Variants in BTBD9 observed in about 807,000 individuals in gnomAD.
The protein encoded by BTBD9 is BTB domain containing 9.
A neutral mutation model predicts 64.3 loss-of-function variants in BTBD9; 49 were observed. The observed-to-expected ratio is 0.76, with a 90% confidence interval of 0.61 to 0.97. The LOEUF (loss-of-function observed/expected upper bound fraction) is 0.97, where lower values mean the gene tolerates loss of function less well. Among genes scored for constraint, BTBD9 ranks in the 50% least tolerant of loss-of-function variants. BTBD9 has a pLI of 0.00. For missense variants in BTBD9, 598 were observed against 762.1 expected, an observed-to-expected ratio of 0.78 and a Z score of 2.53; for synonymous variants, 260 against 274.7, an observed-to-expected ratio of 0.95 and a Z score of 0.53.
intron 8 of BTBD9, among the ~76,000 whole-genome samples, chr6:38,264,074 G>A (rs1202703754): frequency 6.6e-6 from 1 of 152,176 alleles, no homozygotes; most frequent in Non-Finnish European, 1.5e-5. Flanking sequence ...ATGTAGAAAC[G>A]GAGAGCGGTA....
At position 38,288,262 on chromosome 6, in the gene BTBD9, ATC is replaced by A. The variant is rs1274515524; in HGVS notation, c.1454+8_1454+9del. 6.2e-7 allele frequency: 1 copy of A among 1,604,630 alleles called. No homozygotes were observed. Among genetic ancestry groups the A allele is most frequent in the South Asian group, 1.1e-5 (1 of 90,660 alleles). On this transcript the variant is annotated splice_region_variant and intron_variant, in intron 8 of 10. Coordinates refer to ENST00000481247, the MANE Select transcript of BTBD9 (RefSeq NM_001099272.2). The stretch of plus-strand genomic sequence containing the variant: ...TTTTAAAACTTATGAATGAGGAGGA[ATC>A]TTCTTACCGTATTGACCCAATCATG...
At chr6:38,480,081 T>C (rs890109873) in intron 6 of BTBD9, among the ~76,000 whole-genome samples, 2 of 151,944 alleles carry the variant, frequency 1.3e-5, no homozygotes, top group Non-Finnish European at 2.9e-5. Flanking sequence ...CTAAGAGAAA[T>C]AGAAGGGAAA....
intron 8 of BTBD9, among the ~76,000 whole-genome samples, chr6:38,268,832 G>T (rs748794941): frequency 3.9e-5 from 6 of 152,146 alleles, no homozygotes; most frequent in Non-Finnish European, 5.9e-5. Context: ...GCTGCGACTC[G>T]TTCCTCCTTC....
At chr6:38,589,185 ATG>A (rs1776683299) in intron 4 of BTBD9, among the ~76,000 whole-genome samples, 2 of 152,152 alleles carry the variant, frequency 1.3e-5, no homozygotes, top group South Asian at 4.2e-4. Flanking sequence ...CAATCTGTGT[ATG>A]TGTCATTCCA....
chr6:38,399,923 TTTTTTTTTTTGTA>T (rs1766855064), intron 6 of BTBD9, among the ~76,000 whole-genome samples: 1 of 151,902 alleles, frequency 6.6e-6, no homozygotes, highest in South Asian at 2.1e-4. Context: ...AGCTAATTTT[TTTTTTTTTTTGTA>T]TTTTTAGTAG....
chr6:38,624,496 C>G (rs1053019817), intron 1 of BTBD9, among the ~76,000 whole-genome samples: 1 of 152,162 alleles, frequency 6.6e-6, no homozygotes, highest in Admixed American at 6.5e-5. Context: ...AGGAGGATTG[C>G]TTGAGCCCAA....
chr6:38,401,043 T>A (rs1206351131), intron 6 of BTBD9, among the ~76,000 whole-genome samples: 1 of 152,196 alleles, frequency 6.6e-6, no homozygotes, highest in Non-Finnish European at 1.5e-5. Flanking sequence ...CCCTGTTCTT[T>A]CCTTCCATAA....
intron 6 of BTBD9, among the ~76,000 whole-genome samples, chr6:38,550,481 T>A (rs538249458): frequency 6.6e-6 from 1 of 152,136 alleles, no homozygotes; most frequent in South Asian, 2.1e-4. Context: ...CACACCCGGC[T>A]AATTTTTTGT....
chr6:38,297,034 G>A (rs574507924), intron 7 of BTBD9, among the ~76,000 whole-genome samples: 16 of 152,132 alleles, frequency 1.1e-4, no homozygotes, highest in South Asian at 2.1e-4. Flanking sequence ...TGTATTATTC[G>A]AATATTTATA....
At chr6:38,226,419 T>C (rs755259053) in intron 9 of BTBD9, among the ~76,000 whole-genome samples, 39 of 152,182 alleles carry the variant, frequency 2.6e-4, no homozygotes, top group Admixed American at 9.8e-4. Flanking sequence ...TCCTTGCTGC[T>C]GCTCCAACTC....
At chr6:38,256,745 C>A (rs1013692405) in intron 8 of BTBD9, among the ~76,000 whole-genome samples, 3 of 152,120 alleles carry the variant, frequency 2.0e-5, no homozygotes, top group Non-Finnish European at 1.5e-5. Context: ...GCAGGCTCTG[C>A]CCCACTGGTG....
intron 6 of BTBD9, among the ~76,000 whole-genome samples, chr6:38,439,876 G>T (rs1768943813): frequency 6.6e-6 from 1 of 152,148 alleles, no homozygotes; most frequent in South Asian, 2.1e-4. Flanking sequence ...TATTCTGAAG[G>T]TAAGAACTAA....
intron 6 of BTBD9, among the ~76,000 whole-genome samples, chr6:38,359,350 AAC>A (rs1486170819): frequency 6.6e-6 from 1 of 152,094 alleles, no homozygotes; most frequent in African/African-American, 2.4e-5. Flanking sequence ...CCTCAACCCT[AAC>A]ACTCTTCAGT....
intron 9 of BTBD9, among the ~76,000 whole-genome samples, chr6:38,254,738 C>T (rs886795954): frequency 2.0e-5 from 3 of 152,160 alleles, no homozygotes; most frequent in African/African-American, 4.8e-5. Context: ...ACTAGGATGG[C>T]TATGGTCAAA....
chr6:38,296,078 C>A (rs1009161648), intron 7 of BTBD9, among the ~76,000 whole-genome samples: 3 of 151,858 alleles, frequency 2.0e-5, no homozygotes, highest in Non-Finnish European at 2.9e-5. Context: ...AAAAAAAGAT[C>A]TGTATTCTGT....
chr6:38,592,181 CA>C (rs199989280), intron 4 of BTBD9, among the ~76,000 whole-genome samples: 337 of 110,444 alleles, frequency 3.1e-3, no homozygotes, highest in Middle Eastern at 5.6e-3. Context: ...AACTCCATCT[CA>C]AAAAAAAAAA....
At chr6:38,419,493 T>C (rs9369058) in intron 6 of BTBD9, among the ~76,000 whole-genome samples, 66,947 of 152,112 alleles carry the variant, frequency 0.44, 14,777 homozygotes, top group Non-Finnish European at 0.46. Context: ...TTAAAATACA[T>C]TGTGATTAAA....
intron 6 of BTBD9, among the ~76,000 whole-genome samples, chr6:38,502,973 T>A (rs185406847): frequency 3.5e-4 from 54 of 152,218 alleles, no homozygotes; most frequent in Middle Eastern, 6.8e-3. Flanking sequence ...AAGTAGGTGC[T>A]CCACACTATG....
chr6:38,457,920 G>T (rs1715782434), intron 6 of BTBD9, among the ~76,000 whole-genome samples: 1 of 152,056 alleles, frequency 6.6e-6, no homozygotes, highest in Admixed American at 6.6e-5. Flanking sequence ...CTTAATAAGT[G>T]CTTACTAAGT....
Sources: gnomAD v4.1 joint callset for allele counts (sites outside exome capture counted in the v4.1 genomes callset) on GRCh38, gnomAD v4.1.1 for gene constraint, MANE v1.5 for transcripts, NCBI Gene and HGNC (gene_info 2026-07-23, HGNC 2026-07-21) for gene names.